Variants in HHAT observed in about 807,000 individuals in gnomAD.
HHAT encodes the protein hedgehog acyltransferase.
In HHAT, 47 loss-of-function variants were observed where a neutral mutation model predicts 70.8. The observed-to-expected ratio is 0.66, with a 90% CI of 0.53 to 0.85. HHAT has a LOEUF of 0.85. Among genes scored for constraint, HHAT ranks in the 40% least tolerant of loss-of-function variants. The probability of loss-of-function intolerance (pLI) is 0.00; values close to 1 mark genes in which losing one functional copy is unlikely to be tolerated. For synonymous variants in HHAT, 228 were observed against 247.6 expected (o/e 0.92, Z 0.74); for missense variants, 609 against 604.8 (o/e 1.01, Z -0.07).
At chr1:210,508,874 CT>C (rs2094906815) in intron 8 of HHAT, among the ~76,000 whole-genome samples, 1 of 152,278 alleles carries the variant, frequency 6.6e-6, no homozygotes, top group African/African-American at 2.4e-5. Context: ...AAGGAGTGTG[CT>C]TTTTATCTTT....
At chr1:210,657,989 G>A (rs1021540188) in intron 11 of HHAT, among the ~76,000 whole-genome samples, 4 of 152,202 alleles carry the variant, frequency 2.6e-5, no homozygotes, top group African/African-American at 4.8e-5. Context: ...ATGGCCTGAA[G>A]CATGGATCTG....
intron 7 of HHAT, among the ~76,000 whole-genome samples, chr1:210,421,546 A>G (rs1157492568): frequency 1.3e-5 from 2 of 152,164 alleles, no homozygotes; most frequent in African/African-American, 4.8e-5. Context: ...CCTGAGTTGA[A>G]GCAATTCTAT....
intron 11 of HHAT, among the ~76,000 whole-genome samples, chr1:210,649,550 C>T (rs563417562): frequency 3.9e-5 from 6 of 152,330 alleles, no homozygotes; most frequent in African/African-American, 1.4e-4. Flanking sequence ...CAGTATTGCT[C>T]CCAGTGTGAG....
intron 9 of HHAT, among the ~76,000 whole-genome samples, chr1:210,565,799 C>T (rs1450675136): frequency 6.6e-6 from 1 of 152,164 alleles, no homozygotes; most frequent in African/African-American, 2.4e-5. Flanking sequence ...AGCATGTTTT[C>T]TTCAACCTAA....
intron 8 of HHAT, among the ~76,000 whole-genome samples, chr1:210,502,292 G>A (rs1039153421): frequency 6.8e-6 from 1 of 147,534 alleles, no homozygotes; most frequent in African/African-American, 2.5e-5. Context: ...GCTGAGGCAG[G>A]AGAATGGCAT....
intron 1 of HHAT, among the ~76,000 whole-genome samples, chr1:210,333,535 C>T (rs1429000301): frequency 6.6e-6 from 1 of 152,156 alleles, no homozygotes; most frequent in Non-Finnish European, 1.5e-5. Flanking sequence ...CAAGTAACTC[C>T]TGTAATTTCA....
chr1:210,484,996 C>A (rs189217503), intron 8 of HHAT, among the ~76,000 whole-genome samples: 1 of 152,074 alleles, frequency 6.6e-6, no homozygotes, highest in African/African-American at 2.4e-5. Flanking sequence ...TGGCTATGTG[C>A]AGAGTAAGAT....
rs181140930 is a variant in HHAT at position 210,614,641 on chromosome 1, T to A, written c.1246-8885T>A. Among the ~76,000 whole-genome samples the A allele has an allele frequency of 3.0e-3, 457 of 152,232 alleles. 5 individuals are homozygous for A. The highest frequency in any genetic ancestry group is 1.0e-2 in the African/African-American group (414 of 41,542). The stretch of plus-strand genomic sequence containing the variant: ...GTGTTCTCATTGTTCAATTCCCACC[T>A]ATGAGTGAGAACATGCGGTGTTTGG... On this transcript the variant is annotated intron_variant, in intron 10 of 11. Transcript: ENST00000261458.
intron 7 of HHAT, among the ~76,000 whole-genome samples, chr1:210,435,359 A>C (rs975258371): frequency 7.1e-6 from 1 of 141,600 alleles, no homozygotes; most frequent in African/African-American, 2.6e-5. Flanking sequence ...TCAATTTTTT[A>C]ACTCCATTCA....
intron 3 of HHAT, among the ~76,000 whole-genome samples, chr1:210,368,616 T>C (rs2089247725): frequency 6.6e-6 from 1 of 151,978 alleles, no homozygotes; most frequent in South Asian, 2.1e-4. Flanking sequence ...TAGCCTCAGT[T>C]TTATTACCTG....
Position 210,459,880 on chromosome 1 carries a change from C to T in HHAT, c.857-4625C>T, listed in dbSNP as rs186423680. Reference sequence around the variant, plus strand: ...GTTGACTGTACTTGGCTGGGTAGTTCTTGCTTGGGATCTCTCCTATAGTTG... The same window carrying T: ...GTTGACTGTACTTGGCTGGGTAGTTTTTGCTTGGGATCTCTCCTATAGTTG... On this transcript the variant is annotated intron_variant, in intron 7 of 11. Transcript: ENST00000261458. 9.8e-5 allele frequency among the ~76,000 whole-genome samples: 15 copies of T among 152,310 alleles called. No homozygotes were observed. The East Asian group carries it at 2.5e-3, about 25-fold the overall frequency.
intron 11 of HHAT, among the ~76,000 whole-genome samples, chr1:210,647,617 TC>T (rs1299527998): frequency 6.6e-6 from 1 of 152,050 alleles, no homozygotes; most frequent in African/African-American, 2.4e-5. Context: ...CCACCCCTTA[TC>T]CTGATATCTC....
chr1:210,365,483 ATTT>A (rs573614607), intron 3 of HHAT, among the ~76,000 whole-genome samples: 1 of 151,322 alleles, frequency 6.6e-6, no homozygotes. Flanking sequence ...CATCCAGCTA[ATTT>A]TTTTTATTTT....
chr1:210,567,378 T>A (rs1235018066), intron 9 of HHAT, among the ~76,000 whole-genome samples: 1 of 152,206 alleles, frequency 6.6e-6, no homozygotes, highest in Non-Finnish European at 1.5e-5. Flanking sequence ...TCTCTGAGCT[T>A]TATTTTCCTC....
At chr1:210,475,246 T>G (rs1417092837) in intron 8 of HHAT, among the ~76,000 whole-genome samples, 2 of 152,120 alleles carry the variant, frequency 1.3e-5, no homozygotes, top group African/African-American at 4.8e-5. Context: ...AGGCTTACCT[T>G]GCCATCCATC....
intron 7 of HHAT, among the ~76,000 whole-genome samples, chr1:210,425,036 C>T (rs1317474478): frequency 6.6e-6 from 1 of 152,152 alleles, no homozygotes; most frequent in African/African-American, 2.4e-5. Context: ...TTAATAACAG[C>T]CATTCTGACT....
At chr1:210,410,209 C>A (rs976098707) in intron 6 of HHAT, among the ~76,000 whole-genome samples, 1 of 151,614 alleles carries the variant, frequency 6.6e-6, no homozygotes, top group East Asian at 1.9e-4. Flanking sequence ...CCAGCCACCA[C>A]GCCCAGCTAA....
chr1:210,613,998 G>A (rs548540259), intron 10 of HHAT, among the ~76,000 whole-genome samples: 11 of 133,942 alleles, frequency 8.2e-5, no homozygotes, highest in African/African-American at 2.9e-4. Context: ...CCAGCCTGGA[G>A]ACAGAGTGAG....
intron 8 of HHAT, among the ~76,000 whole-genome samples, chr1:210,488,914 C>T (rs1232698996): frequency 3.3e-5 from 5 of 152,288 alleles, no homozygotes; most frequent in Admixed American, 2.0e-4. Context: ...TAAGGTAAAA[C>T]ATTCACAGAC....
Sources: gnomAD v4.1 joint callset for allele counts (sites outside exome capture counted in the v4.1 genomes callset) on GRCh38, gnomAD v4.1.1 for gene constraint, MANE v1.5 for transcripts, NCBI Gene and HGNC (gene_info 2026-07-23, HGNC 2026-07-21) for gene names.